The following DNAJC5B variants were observed in gnomAD, a reference collection of about 807,000 sequenced individuals.
The protein encoded by DNAJC5B is DnaJ heat shock protein family (Hsp40) member C5 beta.
Under a neutral mutation model 24.7 loss-of-function variants are expected in DNAJC5B, and 23 were observed. The observed-to-expected ratio is 0.93, with a 90% confidence interval of 0.67 to 1.32. The LOEUF is 1.32. DNAJC5B is among the 40% of genes most tolerant of loss of function. The probability of loss-of-function intolerance (pLI) is 0.00; values close to 1 mark genes in which losing one functional copy is unlikely to be tolerated. For synonymous variants in DNAJC5B, 101 were observed against 90.1 expected, an observed-to-expected ratio of 1.12 and a Z score of -0.68; for missense variants, 238 against 240.8, an observed-to-expected ratio of 0.99 and a Z score of 0.08.
chr8:66,092,817 A>C (rs1807874238), intron 5 of DNAJC5B, among the ~76,000 whole-genome samples: 1 of 152,112 alleles, frequency 6.6e-6, no homozygotes, highest in South Asian at 2.1e-4. Flanking sequence ...TTTTTAAAAA[A>C]ATAGTTTCAA....
At chr8:66,049,586 A>C (rs1486766690) in intron 2 of DNAJC5B, among the ~76,000 whole-genome samples, 1 of 152,180 alleles carries the variant, frequency 6.6e-6, no homozygotes, top group Admixed American at 6.6e-5. Flanking sequence ...TTGTGTAAAT[A>C]CACTCTGTGA....
At chr8:66,051,807 G>A (rs913762026) in intron 3 of DNAJC5B, 141 bp downstream of exon 3, 7 of 667,824 alleles carry the variant, frequency 1.0e-5, no homozygotes, top group Non-Finnish European at 1.8e-5. Flanking sequence ...CTACAACATA[G>A]GAGTTAGGAA....
chr8:66,037,123 G>T (rs1806505179), intron 1 of DNAJC5B, among the ~76,000 whole-genome samples: 1 of 152,196 alleles, frequency 6.6e-6, no homozygotes, highest in African/African-American at 2.4e-5. Flanking sequence ...CCCCAGGGAA[G>T]GTTGAGGGAT....
intron 1 of DNAJC5B, among the ~76,000 whole-genome samples, chr8:66,034,519 G>A (rs1434018836): frequency 3.3e-5 from 5 of 151,914 alleles, no homozygotes; most frequent in African/African-American, 4.8e-5. Context: ...TGGGGAGCTC[G>A]GAGGTATCAG....
intron 3 of DNAJC5B, among the ~76,000 whole-genome samples, chr8:66,068,112 G>T (rs1807263498): frequency 6.6e-6 from 1 of 152,134 alleles, no homozygotes; most frequent in African/African-American, 2.4e-5. Flanking sequence ...TCTGGTTTAA[G>T]ATAATATCTT....
intron 1 of DNAJC5B, among the ~76,000 whole-genome samples, chr8:66,034,448 T>C (rs994305958): frequency 6.6e-6 from 1 of 151,828 alleles, no homozygotes; most frequent in Non-Finnish European, 1.5e-5. Flanking sequence ...GTTACAATGG[T>C]GATCTCAGAG....
intron 3 of DNAJC5B, among the ~76,000 whole-genome samples, chr8:66,072,991 A>G (rs1052912300): frequency 3.9e-5 from 6 of 152,152 alleles, no homozygotes; most frequent in African/African-American, 1.4e-4. Flanking sequence ...CACCTGTTAC[A>G]GCCACTTTTG....
chr8:66,037,230 C>T (rs1485654859), intron 1 of DNAJC5B, among the ~76,000 whole-genome samples: 1 of 152,136 alleles, frequency 6.6e-6, no homozygotes, highest in East Asian at 1.9e-4. Flanking sequence ...AACAGTTTCC[C>T]ACTGATGCCC....
intron 2 of DNAJC5B, among the ~76,000 whole-genome samples, chr8:66,044,937 G>A (rs1271804844): frequency 6.6e-6 from 1 of 152,106 alleles, no homozygotes; most frequent in East Asian, 1.9e-4. Context: ...AATTTTAAAA[G>A]GTTATGGGCC....
intron 1 of DNAJC5B, among the ~76,000 whole-genome samples, chr8:66,039,213 A>G (rs539038557): frequency 1.3e-5 from 2 of 152,336 alleles, no homozygotes; most frequent in Admixed American, 6.5e-5. Context: ...AGCTTGAGCT[A>G]TGGAATCAAC....
chr8:66,021,412 C>T (rs777595361), upstream of DNAJC5B: 18 of 152,348 alleles, frequency 1.2e-4, 1 homozygote, highest in Middle Eastern at 0.017. Context: ...AATGTCCTTC[C>T]CAACCTCCCA....
Position 66,076,668 on chromosome 8 carries a change from C to T in DNAJC5B, c.128C>T (p.Ala43Val). Residue 43 changes from alanine (A) to valine (V), a missense_variant, in exon 4 of 6, where the codon GCC becomes GTC. Transcript: ENST00000276570. ...EEIKKTYRKL[A>V]LKHHPDKNPD... is the part of the protein sequence containing the mutation. ...TTCTTTTATTTTAAAAGAAAATTGG[C>T]CCTGAAACACCATCCAGACAAGAAT... is the stretch of plus-strand genomic sequence containing the variant. 3 of 1,613,940 alleles carry T rather than the reference C, an allele frequency of 1.9e-6. No individual in the cohort carries two copies. Among genetic ancestry groups the T allele is most frequent in the Non-Finnish European group, 2.5e-6 (3 of 1,179,954 alleles).
At chr8:66,065,355 C>T (rs1807168067) in intron 3 of DNAJC5B, among the ~76,000 whole-genome samples, 1 of 152,236 alleles carries the variant, frequency 6.6e-6, no homozygotes, top group Non-Finnish European at 1.5e-5. Flanking sequence ...AGTGTGTCCT[C>T]AGTGGGGCCT....
chr8:66,099,090 T>C (rs1316624140), intron 5 of DNAJC5B, among the ~76,000 whole-genome samples: 1 of 151,696 alleles, frequency 6.6e-6, no homozygotes, highest in Non-Finnish European at 1.5e-5. Context: ...CCTCTAATAG[T>C]TTTTATTATG....
intron 1 of DNAJC5B, among the ~76,000 whole-genome samples, chr8:66,042,317 T>C (rs138500886): frequency 5.2e-4 from 80 of 152,382 alleles, no homozygotes; most frequent in African/African-American, 1.2e-3. Context: ...TCTGCACTAC[T>C]TAACTTTTTG....
Position 66,037,020 on chromosome 8 carries a change from G to A in DNAJC5B, c.-141-6468G>A, listed in dbSNP as rs540703536. On this transcript the variant is annotated intron_variant, in intron 1 of 5. Coordinates refer to ENST00000276570, the MANE Select transcript of DNAJC5B (RefSeq NM_033105.6). ...GCTACCTCGTGCAGGGACCCAGCTC[G>A]TTGCTTCCTGGGCTCATCCTTTTAA... Among the ~76,000 whole-genome samples the A allele has an allele frequency of 5.3e-5, 8 of 152,310 alleles. No individual in the cohort carries two copies. The South Asian group carries it at 1.0e-3, about 20-fold the overall frequency.
intron 1 of DNAJC5B, among the ~76,000 whole-genome samples, chr8:66,030,646 C>CT (rs1806338570): frequency 6.6e-6 from 1 of 150,978 alleles, no homozygotes; most frequent in African/African-American, 2.4e-5. Flanking sequence ...TTTTTCTTTT[C>CT]TTTTTTCTGA....
chr8:66,093,893 T>G (rs1807897593), intron 5 of DNAJC5B, among the ~76,000 whole-genome samples: 1 of 152,178 alleles, frequency 6.6e-6, no homozygotes, highest in Non-Finnish European at 1.5e-5. Flanking sequence ...GAATTGATTT[T>G]TACATGTAGT....
chr8:66,037,840 C>T (rs1250486310), intron 1 of DNAJC5B, among the ~76,000 whole-genome samples: 6 of 152,150 alleles, frequency 3.9e-5, no homozygotes, highest in African/African-American at 1.4e-4. Flanking sequence ...GAGGGGAGAA[C>T]GTATATCTAT....
Sources: gnomAD v4.1 joint callset for allele counts (sites outside exome capture counted in the v4.1 genomes callset) on GRCh38, gnomAD v4.1.1 for gene constraint, MANE v1.5 for transcripts, NCBI Gene and HGNC (gene_info 2026-07-23, HGNC 2026-07-21) for gene names.